Variants in DOCK7 observed in about 807,000 individuals in gnomAD.
DOCK7 encodes the protein dedicator of cytokinesis protein 7.
A neutral mutation model predicts 271.0 loss-of-function variants in DOCK7; 138 were observed. The observed-to-expected ratio is 0.51, with a 90% CI of 0.44 to 0.59. DOCK7 has a LOEUF of 0.59. Ranked by LOEUF, DOCK7 falls within the 20% of genes least tolerant of loss-of-function variation. The pLI, the probability that DOCK7 is intolerant of heterozygous loss-of-function variation, is 0.00. For missense variants in DOCK7, 2,066 were observed against 2,592.4 expected (o/e 0.80, Z 4.41); for synonymous variants, 823 against 876.1 (o/e 0.94, Z 1.07).
intron 48 of DOCK7, among the ~76,000 whole-genome samples, chr1:62,463,156 AT>A (rs1220673153): frequency 1.3e-5 from 2 of 152,306 alleles, no homozygotes; most frequent in South Asian, 2.1e-4. Flanking sequence ...AAAGACTTGA[AT>A]ATGTAACTTT....
intron 14 of DOCK7, chr1:62,597,679 C>A (rs1267929323): frequency 2.5e-6 from 4 of 1,613,482 alleles, no homozygotes; most frequent in Non-Finnish European, 3.4e-6. Context: ...TCAAGATTTG[C>A]TATGTTAGAC....
At chr1:62,477,408 G>A (rs181262845) in intron 44 of DOCK7, among the ~76,000 whole-genome samples, 135 of 152,278 alleles carry the variant, frequency 8.9e-4, no homozygotes, top group African/African-American at 3.1e-3. Context: ...TCAACAAAAT[G>A]TGGGATTATA....
intron 14 of DOCK7, chr1:62,605,548 C>A (rs1389474172): frequency 1.3e-5 from 2 of 152,430 alleles, no homozygotes; most frequent in East Asian, 1.9e-4. Context: ...TATATTTTAA[C>A]ACTTAATACT....
At chr1:62,508,880 T>C (rs1644394038) in intron 34 of DOCK7, among the ~76,000 whole-genome samples, 1 of 152,178 alleles carries the variant, frequency 6.6e-6, no homozygotes, top group African/African-American at 2.4e-5. Context: ...GTTGAGATTT[T>C]TGTTTTAGCA....
chr1:62,545,274 T>C (rs1033796580), intron 22 of DOCK7, among the ~76,000 whole-genome samples: 1 of 152,194 alleles, frequency 6.6e-6, no homozygotes, highest in African/African-American at 2.4e-5. Flanking sequence ...TTAAAGGTAA[T>C]TTTTCTTTAT....
At chr1:62,604,754 G>A (rs759010000) in intron 14 of DOCK7, 4 of 1,613,008 alleles carry the variant, frequency 2.5e-6, no homozygotes, top group Non-Finnish European at 3.4e-6. Flanking sequence ...AAAATGGAAG[G>A]TTATACTCTA....
chr1:62,495,526 T>C, intron 39 of DOCK7, 55 bp downstream of exon 39: 1 of 1,125,334 alleles, frequency 8.9e-7, no homozygotes, highest in South Asian at 1.9e-5. Flanking sequence ...TAATGCTTAC[T>C]GTATGTCTTA....
intron 11 of DOCK7, chr1:62,629,387 A>G (rs1654340851): frequency 6.6e-6 from 1 of 152,244 alleles, no homozygotes; most frequent in African/African-American, 2.4e-5. Flanking sequence ...ACAACAGACT[A>G]TCATTTGGCA....
chr1:62,587,719 A>G (rs1454939653), intron 14 of DOCK7, among the ~76,000 whole-genome samples: 1 of 152,174 alleles, frequency 6.6e-6, no homozygotes, highest in African/African-American at 2.4e-5. Flanking sequence ...AGAGATACCT[A>G]GCATGTTGAA....
chr1:62,636,603 C>G lies in DOCK7; in HGVS notation c.819G>C (p.Lys273Asn). 1 of 1,591,012 alleles carries G rather than the reference C, an allele frequency of 6.3e-7. No individual in the cohort carries two copies. Among genetic ancestry groups the G allele is most frequent in the Non-Finnish European group, 8.6e-7 (1 of 1,165,430 alleles). The change falls in exon 8 of 50, where the codon AAG becomes AAC. Residue 273 changes from lysine to asparagine, a missense_variant and splice_region_variant. Coordinates refer to ENST00000635253, the MANE Select transcript of DOCK7 (RefSeq NM_001367561.1). Reference sequence around the variant, plus strand: ...AAATGGGTTCAATTTCAATTTCAAACCTTTATGAAGAAAAAGGATAAAATA... The same window carrying G: ...AAATGGGTTCAATTTCAATTTCAAAGCTTTATGAAGAAAAAGGATAAAATA... ...QRLLVKCLSL[K>N]FEIEIEPIFA...
chr1:62,467,880 A>G (rs931596934), intron 48 of DOCK7, among the ~76,000 whole-genome samples: 2 of 152,228 alleles, frequency 1.3e-5, no homozygotes, highest in African/African-American at 4.8e-5. Context: ...AACCAAATCC[A>G]ACAGCATAGC....
rs141182347 is a variant in DOCK7, at chr1:62,603,568, A to G, written c.1682+15138T>C. 1.7e-3 allele frequency among the ~76,000 whole-genome samples: 260 copies of G among 151,946 alleles called. 1 individual carries two copies. The highest frequency in any genetic ancestry group is 6.1e-3 in the African/African-American group (252 of 41,548). On this transcript the variant is annotated intron_variant, in intron 14 of 49. Coordinates refer to ENST00000635253, the MANE Select transcript of DOCK7 (RefSeq NM_001367561.1). ...TGACATTATTATTACTCAAGTCTCT[A>G]GGAATACTTAACACATCTCTTGACT... is the stretch of plus-strand genomic sequence containing the variant.
intron 18 of DOCK7, among the ~76,000 whole-genome samples, chr1:62,575,330 T>C (rs1226668434): frequency 2.0e-5 from 3 of 152,130 alleles, no homozygotes; most frequent in Admixed American, 1.3e-4. Flanking sequence ...GCAAGACCAA[T>C]CCCTACTCTT....
chr1:62,685,079 A>C (rs557533467), intron 1 of DOCK7, among the ~76,000 whole-genome samples: 1 of 152,362 alleles, frequency 6.6e-6, no homozygotes, highest in African/African-American at 2.4e-5. Flanking sequence ...AAAGCCTCAA[A>C]CCACATTATA....
At chr1:62,490,401 C>G (rs574150129) in intron 41 of DOCK7, among the ~76,000 whole-genome samples, 1 of 152,148 alleles carries the variant, frequency 6.6e-6, no homozygotes, top group Non-Finnish European at 1.5e-5. Context: ...CTTGACCCAG[C>G]CTTTATCTTT....
chr1:62,532,800 TG>T (rs1645218299), intron 29 of DOCK7, among the ~76,000 whole-genome samples: 1 of 152,008 alleles, frequency 6.6e-6, no homozygotes, highest in South Asian at 2.1e-4. Context: ...GGCCTGAAGG[TG>T]GGAATGAGCT....
intron 27 of DOCK7, among the ~76,000 whole-genome samples, chr1:62,538,846 G>A (rs1290766802): frequency 6.6e-6 from 1 of 152,136 alleles, no homozygotes; most frequent in African/African-American, 2.4e-5. Context: ...ACCACCATAA[G>A]TTTGAACTTC....
intron 21 of DOCK7, among the ~76,000 whole-genome samples, chr1:62,553,346 ATATATATATTT>A (rs1646005943): frequency 4.1e-5 from 1 of 24,396 alleles, no homozygotes; most frequent in African/African-American, 2.5e-4. Flanking sequence ...ATATATATAT[ATATATATATTT>A]TTTTTTTTTT....
chr1:62,662,011 T>C (rs1658717986), intron 2 of DOCK7, among the ~76,000 whole-genome samples: 1 of 152,200 alleles, frequency 6.6e-6, no homozygotes, highest in South Asian at 2.1e-4. Flanking sequence ...AAGTAAACTT[T>C]ATGTTTTCAA....
Sources: gnomAD v4.1 joint callset for allele counts (sites outside exome capture counted in the v4.1 genomes callset) on GRCh38, gnomAD v4.1.1 for gene constraint, MANE v1.5 for transcripts, NCBI Gene and HGNC (gene_info 2026-07-23, HGNC 2026-07-21) for gene names.